The following WDSUB1 variants were observed in gnomAD, a reference collection of about 807,000 sequenced individuals.
WDSUB1 encodes the protein WD repeat, sterile alpha motif and U-box domain containing 1.
Under a neutral mutation model 53.9 loss-of-function variants are expected in WDSUB1, and 49 were observed. The observed-to-expected ratio is 0.91, with a 90% CI of 0.72 to 1.15. The LOEUF is 1.15. Among genes scored for constraint, WDSUB1 ranks in the 50% most tolerant of loss-of-function variants. The pLI is 0.00. For missense variants in WDSUB1, 514 were observed against 562.0 expected, an observed-to-expected ratio of 0.91 and a Z score of 0.86; for synonymous variants, 194 against 200.6, an observed-to-expected ratio of 0.97 and a Z score of 0.28.
At chr2:159,268,847 G>A (rs2061394142) in intron 5 of WDSUB1, among the ~76,000 whole-genome samples, 1 of 151,970 alleles carries the variant, frequency 6.6e-6, no homozygotes, top group Non-Finnish European at 1.5e-5. Context: ...TGACACCACT[G>A]AAAAAAATTG....
chr2:159,280,690 CA>C lies in WDSUB1; in HGVS notation c.399-746del, dbSNP rs58584838. Among the ~76,000 whole-genome samples the C allele has an allele frequency of 3.5e-4, 21 of 59,592 alleles. 1 individual carries two copies. The highest frequency in any genetic ancestry group is 1.5e-3 in the East Asian group (4 of 2,648). 39.1% of individuals were successfully genotyped at this position (59,592 alleles called of 152,430 possible). On this transcript the variant is annotated intron_variant, in intron 2 of 10. Transcript: ENST00000359774. ...TGGGCGACAGAGCGAGACTCCGTCT[CA>C]AAAAAAAAAAAAAAAAAATTACCCA...
intron 5 of WDSUB1, among the ~76,000 whole-genome samples, chr2:159,271,091 T>C (rs1575481335): frequency 6.6e-6 from 1 of 152,194 alleles, no homozygotes; most frequent in East Asian, 1.9e-4. Flanking sequence ...CAGGCTAGGA[T>C]ACAAAACAAC....
chr2:159,259,758 AGTCT>A, intron 6 of WDSUB1, 48 bp downstream of exon 6: 1 of 1,471,376 alleles, frequency 6.8e-7, no homozygotes. Context: ...GAAGTTCAGT[AGTCT>A]AATAAACATA....
At chr2:159,279,063 T>G (rs2061599697) in intron 3 of WDSUB1, among the ~76,000 whole-genome samples, 1 of 152,220 alleles carries the variant, frequency 6.6e-6, no homozygotes. Flanking sequence ...CAGGATATAT[T>G]ATTAATTAAT....
chr2:159,249,045 T>C (rs986571786), intron 9 of WDSUB1, among the ~76,000 whole-genome samples: 2 of 152,254 alleles, frequency 1.3e-5, no homozygotes, highest in Non-Finnish European at 2.9e-5. Flanking sequence ...CAGCAGCTAA[T>C]AGCTCATTTT....
Position 159,282,972 on chromosome 2 carries a change from G to A in WDSUB1, c.98C>T (p.Thr33Ile). The change falls in exon 2 of 11, where the codon ACA (threonine) becomes ATA (isoleucine). Residue 33 changes from threonine (T) to isoleucine (I), a missense_variant. Physicochemically the swap from Thr to Ile is moderately conservative, Grantham distance 89. Transcript: ENST00000359774. Reference sequence around the variant, plus strand: ...GTCACGTAACGAGTACAGGCGAATTGTTTTGTCCAAGGAGCAAGTAGCCAA... The same window carrying A: ...GTCACGTAACGAGTACAGGCGAATTATTTTGTCCAAGGAGCAAGTAGCCAA... ...SLLATCSLDK[T>I]IRLYSLRDFT... 1 of 1,614,198 alleles carries A rather than the reference G, an allele frequency of 6.2e-7. No individual in the cohort carries two copies. The highest frequency in any genetic ancestry group is 1.1e-5 in the South Asian group (1 of 91,086).
rs1558855793 is a variant in WDSUB1 at position 159,261,869 on chromosome 2, TATATATATATATATATATATA to T, written c.771-2047_771-2027del. Among the ~76,000 whole-genome samples, 10 of 21,468 alleles carry T rather than the reference TATATATATATATATATATATA, an allele frequency of 4.7e-4. 1 individual carries two copies. Among genetic ancestry groups the T allele is most frequent in the Non-Finnish European group, 7.5e-4 (10 of 13,274 alleles). The allele number at this position is 21,468 out of a possible 152,430, so 14.1% of individuals were successfully genotyped here. ...ACTCATATATATATATATATATATATATATATATATATATATATATATATATATTTTTTTTTTTTTTTTTTT... is the reference window on the plus strand; with the variant it reads ...ACTCATATATATATATATATATATATTATATATTTTTTTTTTTTTTTTTTT... On this transcript the variant is annotated intron_variant, in intron 5 of 10. Transcript: ENST00000359774.
At chr2:159,243,105 T>TA (rs1002037659) in intron 10 of WDSUB1, among the ~76,000 whole-genome samples, 1 of 147,834 alleles carries the variant, frequency 6.8e-6, no homozygotes, top group Admixed American at 6.6e-5. Context: ...TTGGGTTTTT[T>TA]AAAAAAATTC....
At chr2:159,271,019 G>A (rs1256241159) in intron 5 of WDSUB1, among the ~76,000 whole-genome samples, 1 of 152,130 alleles carries the variant, frequency 6.6e-6, no homozygotes, top group African/African-American at 2.4e-5. Context: ...TAAAACCATA[G>A]TAAGGCAACA....
chr2:159,285,591 A>C (rs2061774863), intron 1 of WDSUB1, among the ~76,000 whole-genome samples: 1 of 152,112 alleles, frequency 6.6e-6, no homozygotes, highest in South Asian at 2.1e-4. Flanking sequence ...CTGTAGTCCC[A>C]GCTACTCGAG....
Position 159,244,057 on chromosome 2 carries a change from C to A in WDSUB1, c.1273+4315G>T, listed in dbSNP as rs1446558024. Among the ~76,000 whole-genome samples the A allele has an allele frequency of 3.3e-5, 5 of 152,086 alleles. No individual in the cohort carries two copies. The East Asian group carries it at 9.6e-4, about 29-fold the overall frequency. On this transcript the variant is annotated intron_variant, in intron 10 of 10. Coordinates refer to ENST00000359774, the MANE Select transcript of WDSUB1 (RefSeq NM_001128212.3). Reference sequence around the variant, plus strand: ...GGAGGAAAAAAAATATGTCAATAGCCTAAAAATTCTCAGCAAACTGGAGAT... The same window carrying A: ...GGAGGAAAAAAAATATGTCAATAGCATAAAAATTCTCAGCAAACTGGAGAT...
chr2:159,286,476 G>GA (rs2061802432), intron 1 of WDSUB1, 107 bp downstream of exon 1: 2 of 152,424 alleles, frequency 1.3e-5, no homozygotes, highest in South Asian at 4.1e-4. Flanking sequence ...TGCGCGGTTA[G>GA]AACCGGGAAA....
chr2:159,281,990 A>C (rs2151157022), intron 2 of WDSUB1, among the ~76,000 whole-genome samples: 1 of 152,296 alleles, frequency 6.6e-6, no homozygotes, highest in African/African-American at 2.4e-5. Flanking sequence ...AAAAGAAAGA[A>C]AACACTTAAA....
chr2:159,246,345 C>T (rs969165818), intron 10 of WDSUB1, among the ~76,000 whole-genome samples: 18 of 148,512 alleles, frequency 1.2e-4, no homozygotes, highest in East Asian at 6.0e-4. Context: ...GGCAGGAGAA[C>T]GGTGTGAACC....
intron 10 of WDSUB1, among the ~76,000 whole-genome samples, chr2:159,240,505 TAGCCATCTTAAC>T (rs1479504377): frequency 1.3e-5 from 2 of 152,224 alleles, no homozygotes; most frequent in East Asian, 3.8e-4. Flanking sequence ...TTTTTGATTC[TAGCCATCTTAAC>T]AGGTATGACA....
rs993215183 is a variant in WDSUB1 at position 159,252,572 on chromosome 2, A to G, written c.1132+3624T>C. On this transcript the variant is annotated intron_variant, in intron 9 of 10. Coordinates refer to ENST00000359774, the MANE Select transcript of WDSUB1 (RefSeq NM_001128212.3). ...CCAGGGAGGGTTATGCCCTTTCAAC[A>G]GGGGGTCATTGCACAGTAACTAGAT... Among the ~76,000 whole-genome samples the G allele has an allele frequency of 5.9e-5, 9 of 152,200 alleles. 1 individual carries two copies. Among genetic ancestry groups the G allele is most frequent in the Admixed American group, 4.6e-4 (7 of 15,280 alleles).
chr2:159,262,221 C>T (rs2061242395), intron 5 of WDSUB1, among the ~76,000 whole-genome samples: 1 of 151,950 alleles, frequency 6.6e-6, no homozygotes, highest in Non-Finnish European at 1.5e-5. Context: ...CAACTCATCA[C>T]TTAATAAGCA....
intron 10 of WDSUB1, among the ~76,000 whole-genome samples, chr2:159,243,798 A>G (rs2060719422): frequency 6.6e-6 from 1 of 152,344 alleles, no homozygotes; most frequent in Admixed American, 6.5e-5. Flanking sequence ...TGTTAACCAA[A>G]AAAACATGTA....
rs761467372 is a variant in WDSUB1 at position 159,256,175 on chromosome 2, CCTAT to C, written c.1132+17_1132+20del. ...TTGGTAAAAGTTGTTTTGAAGATTGCCTATCTTTCACTAAGCTTACCAATTTTCA... is the reference window on the plus strand; with the variant it reads ...TTGGTAAAAGTTGTTTTGAAGATTGCCTTTCACTAAGCTTACCAATTTTCA... On this transcript the variant is annotated intron_variant, in intron 9 of 10. Coordinates refer to ENST00000359774, the MANE Select transcript of WDSUB1 (RefSeq NM_001128212.3). 1.9e-6 allele frequency: 3 copies of C among 1,570,106 alleles called. No individual in the cohort carries two copies. The highest frequency in any genetic ancestry group is 2.3e-5 in the East Asian group (1 of 43,558).
Sources: gnomAD v4.1 joint callset for allele counts (sites outside exome capture counted in the v4.1 genomes callset) on GRCh38, gnomAD v4.1.1 for gene constraint, MANE v1.5 for transcripts, NCBI Gene and HGNC (gene_info 2026-07-23, HGNC 2026-07-21) for gene names.